CCDC85A: variants seen among roughly 807,000 people sequenced by gnomAD.
The protein encoded by CCDC85A is coiled-coil domain containing 85A, also known as coiled-coil domain-containing protein 85A.
CCDC85A carries 38 observed loss-of-function variants against 50.2 expected under a neutral mutation model. That is an observed-to-expected ratio of 0.76 (90% CI 0.58 to 0.99). The LOEUF (loss-of-function observed/expected upper bound fraction) is 0.99, where lower values mean the gene tolerates loss of function less well. CCDC85A is among the 50% of genes least tolerant of loss of function. CCDC85A has a pLI of 0.00. For missense variants in CCDC85A, 820 were observed against 742.0 expected (o/e 1.11, Z -1.22); for synonymous variants, 366 against 301.4 (o/e 1.21, Z -2.22).
intron 2 of CCDC85A, among the ~76,000 whole-genome samples, chr2:56,329,085 T>C (rs534471117): frequency 6.6e-6 from 1 of 152,268 alleles, no homozygotes; most frequent in African/African-American, 2.4e-5. Context: ...GACAACTGCA[T>C]CCTCCCTGTC....
Position 56,379,824 on chromosome 2 carries a change from A to G in CCDC85A, c.1572+3889A>G. ...AACATGACCTTAGTGAGACAGAAAA[A>G]GCTATAGTCAGAGAAATGTGCAATG... On this transcript the variant is annotated intron_variant, in intron 5 of 5. Transcript: ENST00000407595. 9.2e-6 allele frequency: 9 copies of G among 982,540 alleles called. No homozygotes were observed. In the South Asian group the frequency reaches 3.8e-4, roughly 41 times the overall value. 60.9% of individuals were successfully genotyped at this position (982,540 alleles called of 1,614,324 possible).
intron 2 of CCDC85A, among the ~76,000 whole-genome samples, chr2:56,232,489 C>T (rs55993389): frequency 6.6e-6 from 1 of 152,082 alleles, no homozygotes; most frequent in Non-Finnish European, 1.5e-5. Context: ...GGGCAGTTTC[C>T]TCTGTGCTGT....
intron 2 of CCDC85A, among the ~76,000 whole-genome samples, chr2:56,262,005 C>A (rs1670239080): frequency 6.6e-6 from 1 of 152,180 alleles, no homozygotes; most frequent in African/African-American, 2.4e-5. Flanking sequence ...TTCATTCATT[C>A]ATTCATCCAA....
At chr2:56,191,948 A>T (rs1384852101) in intron 1 of CCDC85A, among the ~76,000 whole-genome samples, 1 of 152,164 alleles carries the variant, frequency 6.6e-6, no homozygotes, top group Non-Finnish European at 1.5e-5. Flanking sequence ...GGTCACAAGC[A>T]GTTATTTTTC....
At chr2:56,352,297 A>G (rs1674990531) in intron 3 of CCDC85A, among the ~76,000 whole-genome samples, 1 of 152,204 alleles carries the variant, frequency 6.6e-6, no homozygotes, top group South Asian at 2.1e-4. Flanking sequence ...AAAGATCTAT[A>G]TTCTTTGACA....
At chr2:56,291,042 A>T (rs1478561117) in intron 2 of CCDC85A, among the ~76,000 whole-genome samples, 8 of 152,232 alleles carry the variant, frequency 5.3e-5, no homozygotes. Flanking sequence ...TGAAGAACTT[A>T]TGTTGCGGGT....
intron 2 of CCDC85A, among the ~76,000 whole-genome samples, chr2:56,326,001 G>C (rs187496700): frequency 3.3e-5 from 5 of 152,232 alleles, no homozygotes; most frequent in African/African-American, 1.2e-4. Flanking sequence ...GGATAGTGTT[G>C]CATTCAAGTA....
intron 2 of CCDC85A, among the ~76,000 whole-genome samples, chr2:56,314,318 C>G (rs1306213851): frequency 6.6e-6 from 1 of 151,676 alleles, no homozygotes; most frequent in Non-Finnish European, 1.5e-5. Context: ...CTTCTGATCC[C>G]TGCTCTTCCA....
intron 2 of CCDC85A, among the ~76,000 whole-genome samples, chr2:56,268,929 C>A (rs773354081): frequency 6.6e-6 from 1 of 152,036 alleles, no homozygotes; most frequent in Non-Finnish European, 1.5e-5. Flanking sequence ...CATAATGCTG[C>A]GTACATTTTT....
chr2:56,352,455 C>T (rs578132158), intron 3 of CCDC85A, among the ~76,000 whole-genome samples: 1 of 152,256 alleles, frequency 6.6e-6, no homozygotes, highest in South Asian at 2.1e-4. Context: ...GAGTGATTCT[C>T]CTGCCTCAGC....
At chr2:56,303,548 C>T (rs1028629270) in intron 2 of CCDC85A, among the ~76,000 whole-genome samples, 2 of 151,996 alleles carry the variant, frequency 1.3e-5, no homozygotes, top group Admixed American at 1.3e-4. Flanking sequence ...TCCTAAAGGG[C>T]ACCAAGCAGG....
intron 2 of CCDC85A, among the ~76,000 whole-genome samples, chr2:56,258,939 G>A (rs1205366402): frequency 6.6e-6 from 1 of 152,190 alleles, no homozygotes; most frequent in Non-Finnish European, 1.5e-5. Flanking sequence ...GTGGAGCTAA[G>A]GCTTTTGAGA....
intron 3 of CCDC85A, among the ~76,000 whole-genome samples, chr2:56,359,890 G>A (rs976246455): frequency 6.6e-6 from 1 of 152,194 alleles, no homozygotes; most frequent in African/African-American, 2.4e-5. Context: ...TGCAGCATCT[G>A]TTCATTGGGA....
Position 56,368,695 on chromosome 2 carries a change from A to G in CCDC85A, c.1318-3649A>G, listed in dbSNP as rs914207856. 8.5e-5 allele frequency among the ~76,000 whole-genome samples: 13 copies of G among 152,114 alleles called. 1 individual carries two copies. The highest frequency in any genetic ancestry group is 7.2e-4 in the Admixed American group (11 of 15,266). On this transcript the variant is annotated intron_variant, in intron 3 of 5. Transcript: ENST00000407595. The stretch of plus-strand genomic sequence containing the variant: ...AGAGGGCTGGGGTCTCAAATTTGTT[A>G]TAAGTGCATTACATCTGATTTATAT...
chr2:56,330,236 T>C (rs1673714625), intron 2 of CCDC85A, among the ~76,000 whole-genome samples: 1 of 152,080 alleles, frequency 6.6e-6, no homozygotes, highest in African/African-American at 2.4e-5. Flanking sequence ...GAGATTGAAA[T>C]ATTTTCCGTA....
chr2:56,382,580 A>T lies in CCDC85A; in HGVS notation c.1573-1686A>T, dbSNP rs188117371. The stretch of plus-strand genomic sequence containing the variant: ...CTTGTAAATTCCCTGAGGACAGTTG[A>T]AATACCTGATTGGTCATCTCAGTCA... On this transcript the variant is annotated intron_variant, in intron 5 of 5. Transcript: ENST00000407595. 2.6e-5 allele frequency among the ~76,000 whole-genome samples: 4 copies of T among 152,130 alleles called. No individual in the cohort carries two copies. The East Asian group carries it at 7.8e-4, about 29-fold the overall frequency.
chr2:56,302,808 G>A lies in CCDC85A; in HGVS notation c.1241-40071G>A, dbSNP rs557215550. On this transcript the variant is annotated intron_variant, in intron 2 of 5. Transcript: ENST00000407595. ...TCTTTTTCACCTTTCTTTTATTTCC[G>A]TCTCTGTAGCCAGTCTAGTGTAAGA... Among the ~76,000 whole-genome samples the A allele has an allele frequency of 1.0e-3, 153 of 151,954 alleles. 1 individual carries two copies. The highest frequency in any genetic ancestry group is 1.7e-3 in the Non-Finnish European group (115 of 67,984).
At chr2:56,248,891 A>T (rs139055897) in intron 2 of CCDC85A, among the ~76,000 whole-genome samples, 1 of 152,304 alleles carries the variant, frequency 6.6e-6, no homozygotes, top group African/African-American at 2.4e-5. Context: ...GTCAGATAGT[A>T]TGATGCCAAA....
intron 2 of CCDC85A, among the ~76,000 whole-genome samples, chr2:56,302,899 C>T (rs978539610): frequency 2.0e-5 from 3 of 152,080 alleles, no homozygotes; most frequent in African/African-American, 7.2e-5. Context: ...TACATACTAA[C>T]CCTGTGAGAC....
Sources: gnomAD v4.1 joint callset for allele counts (sites outside exome capture counted in the v4.1 genomes callset) on GRCh38, gnomAD v4.1.1 for gene constraint, MANE v1.5 for transcripts, NCBI Gene and HGNC (gene_info 2026-07-23, HGNC 2026-07-21) for gene names.